Variants in LUC7L2 observed in about 807,000 individuals in gnomAD.
LUC7L2 encodes the protein putative RNA-binding protein Luc7-like 2.
LUC7L2 carries 25 observed loss-of-function variants against 52.8 expected under a neutral mutation model. The observed-to-expected ratio is 0.47, with a 90% CI of 0.34 to 0.66. The LOEUF (loss-of-function observed/expected upper bound fraction) is 0.66. Ranked by LOEUF, LUC7L2 falls within the 30% of genes least tolerant of loss-of-function variation. LUC7L2 has a pLI of 0.01. For synonymous variants in LUC7L2, 144 were observed against 160.9 expected (o/e 0.89, Z 0.80); for missense variants, 328 against 497.8 (o/e 0.66, Z 3.25).
intron 1 of LUC7L2, among the ~76,000 whole-genome samples, chr7:139,361,003 C>T (rs1799853157): frequency 6.6e-6 from 1 of 152,202 alleles, no homozygotes; most frequent in Non-Finnish European, 1.5e-5. Flanking sequence ...ACAAATGTTG[C>T]ATGTCCCTAA....
intron 9 of LUC7L2, among the ~76,000 whole-genome samples, chr7:139,420,138 C>G (rs1212228303): frequency 6.6e-6 from 1 of 152,202 alleles, no homozygotes; most frequent in Non-Finnish European, 1.5e-5. Flanking sequence ...TCTTTTTGCT[C>G]TGTTCAAACA....
intron 2 of LUC7L2, among the ~76,000 whole-genome samples, chr7:139,387,679 C>A (rs1419645663): frequency 6.6e-6 from 1 of 152,118 alleles, no homozygotes; most frequent in Non-Finnish European, 1.5e-5. Flanking sequence ...ATTGTTTATA[C>A]CTGTACTGAA....
rs544956409 is a variant in LUC7L2 at position 139,362,434 on chromosome 7, C to T, written c.61+2112C>T. Among the ~76,000 whole-genome samples, 4 of 152,036 alleles carry T rather than the reference C, an allele frequency of 2.6e-5. No homozygotes were observed. In the South Asian group the frequency reaches 6.2e-4, roughly 24 times the overall value. ...TTCAAGTTACCCAGGGATAGGGGAA[C>T]ATGGAAACGTCCCCTGAATAACACC... On this transcript the variant is annotated intron_variant, in intron 1 of 9. Transcript: ENST00000354926.
In LUC7L2 at chr7:139,398,787, TAGC is replaced by T. The variant is rs1339763800; in HGVS notation, c.255+93_255+95del. 4.1e-6 allele frequency: 5 copies of T among 1,217,694 alleles called. No individual in the cohort carries two copies. The South Asian group carries it at 6.2e-5, about 15-fold the overall frequency. The allele number at this position is 1,217,694 out of a possible 1,614,324, so 75.4% of individuals were successfully genotyped here. Reference sequence around the variant, plus strand: ...AAGATCTCTTAATAGGAAAAACTCTTAGCAGTTTATCCTCTGGTTATATGAAGG... The same window carrying T: ...AAGATCTCTTAATAGGAAAAACTCTTAGTTTATCCTCTGGTTATATGAAGG... On this transcript the variant is annotated intron_variant, in intron 3 of 9. Transcript: ENST00000354926.
rs10593094 is a variant in LUC7L2, at chr7:139,412,825, TAAA to T, written c.809+266_809+268del. ...GGGCAACAGAATAGGACTCTGTCTTTAAAAAAAAAAAAAAAAAAAAAAAGAAAA... is the reference window on the plus strand; with the variant it reads ...GGGCAACAGAATAGGACTCTGTCTTTAAAAAAAAAAAAAAAAAAAAGAAAA... On this transcript the variant is annotated intron_variant, in intron 8 of 9. Transcript: ENST00000354926. 7.1e-3 allele frequency: 874 copies of T among 122,424 alleles called. 14 individuals are homozygous for T. The highest frequency in any genetic ancestry group is 0.022 in the African/African-American group (736 of 33,428). 7.6% of individuals were successfully genotyped at this position (122,424 alleles called of 1,614,324 possible).
rs924782889 is a variant in LUC7L2 at position 139,378,371 on chromosome 7, C to G, written c.156+2215C>G. ...ACCACTTGAGGCCAGGAGTTTGAGA[C>G]TAGCCTGGTCAACATAGTGAAACCC... On this transcript the variant is annotated intron_variant, in intron 2 of 9. Transcript: ENST00000354926. Among the ~76,000 whole-genome samples the G allele has an allele frequency of 2.0e-5, 3 of 151,830 alleles. No homozygotes were observed. In the South Asian group the frequency reaches 6.2e-4, roughly 32 times the overall value.
In LUC7L2 at chr7:139,360,199, C is replaced by T. The variant is rs1459134830; in HGVS notation, c.-63C>T. The T allele has an allele frequency of 1.5e-6, 2 of 1,343,772 alleles. No homozygotes were observed. Among genetic ancestry groups the T allele is most frequent in the Non-Finnish European group, 2.1e-6 (2 of 969,064 alleles). The allele number at this position is 1,343,772 out of a possible 1,614,324, so 83.2% of individuals were successfully genotyped here. ...CCTTCCCCCATCCCTTCCCCTTATCCCCCAGCCCAAAAGGGCCCGGTCTGC... is the reference window on the plus strand; with the variant it reads ...CCTTCCCCCATCCCTTCCCCTTATCTCCCAGCCCAAAAGGGCCCGGTCTGC... On this transcript the variant is annotated 5_prime_UTR_variant, in exon 1 of 10. Transcript: ENST00000354926.
chr7:139,416,775 C>T (rs1203499013), intron 8 of LUC7L2: 1 of 152,002 alleles, frequency 6.6e-6, no homozygotes, highest in African/African-American at 2.4e-5. Context: ...GGTTATCTCA[C>T]CTTTCTAATT....
chr7:139,350,347 T>G (rs1018000849), intron 1 of LUC7L2, among the ~76,000 whole-genome samples: 9 of 152,080 alleles, frequency 5.9e-5, no homozygotes, highest in Non-Finnish European at 8.8e-5. Flanking sequence ...GGTCTCCATC[T>G]CCTGACCTCA....
At chr7:139,401,002 T>G (rs1387101386) in intron 3 of LUC7L2, among the ~76,000 whole-genome samples, 2 of 152,222 alleles carry the variant, frequency 1.3e-5, no homozygotes, top group Non-Finnish European at 2.9e-5. Context: ...CTTGAATTAG[T>G]TATATTTCTG....
chr7:139,378,386 TA>T lies in LUC7L2; in HGVS notation c.156+2231del, dbSNP rs548408235. ...GAGTTTGAGACTAGCCTGGTCAACATAGTGAAACCCCATCTCTACAAAAAGA... is the reference window on the plus strand; with the variant it reads ...GAGTTTGAGACTAGCCTGGTCAACATGTGAAACCCCATCTCTACAAAAAGA... On this transcript the variant is annotated intron_variant, in intron 2 of 9. Transcript: ENST00000354926. Among the ~76,000 whole-genome samples, 5 of 152,058 alleles carry T rather than the reference TA, an allele frequency of 3.3e-5. No homozygotes were observed. The South Asian group carries it at 1.0e-3, about 32-fold the overall frequency.
chr7:139,393,220 T>G (rs527851034), intron 2 of LUC7L2, among the ~76,000 whole-genome samples: 2 of 151,944 alleles, frequency 1.3e-5, no homozygotes, highest in East Asian at 4.0e-4. Flanking sequence ...TGAGCTGAGA[T>G]TGCACCACTG....
rs1045462629 is a variant in LUC7L2 at position 139,389,879 on chromosome 7, C to T, written c.157-8720C>T. On this transcript the variant is annotated intron_variant, in intron 2 of 9. Transcript: ENST00000354926. ...GCCTTCAGAGTGCTTTTATAAACAT[C>T]TTACTTGATCTGAACAGCAATCCTG... Among the ~76,000 whole-genome samples the T allele has an allele frequency of 3.3e-5, 5 of 152,278 alleles. No homozygotes were observed. The Middle Eastern group carries it at 0.014, about 414-fold the overall frequency.
chr7:139,345,700 C>T (rs1799239890), intron 1 of LUC7L2: 2 of 1,613,756 alleles, frequency 1.2e-6, no homozygotes, highest in Admixed American at 1.7e-5. Flanking sequence ...GGCTGGGAGC[C>T]ATGAACATGG....
chr7:139,400,489 A>G (rs976922468), intron 3 of LUC7L2, among the ~76,000 whole-genome samples: 3 of 152,214 alleles, frequency 2.0e-5, no homozygotes, highest in Non-Finnish European at 4.4e-5. Context: ...CTTGGGGGAC[A>G]GAGCGAGACT....
intron 8 of LUC7L2, among the ~76,000 whole-genome samples, chr7:139,413,904 T>A (rs1318930374): frequency 5.3e-5 from 8 of 152,224 alleles, no homozygotes. Flanking sequence ...TTTATATTAT[T>A]GGTGAATTTC....
At chr7:139,360,593 G>T (rs1799825246) in intron 1 of LUC7L2, among the ~76,000 whole-genome samples, 1 of 152,146 alleles carries the variant, frequency 6.6e-6, no homozygotes, top group Non-Finnish European at 1.5e-5. Context: ...TGTTGACTTG[G>T]CTGAGACGGG....
chr7:139,401,651 C>G (rs1158880159), intron 3 of LUC7L2, among the ~76,000 whole-genome samples: 1 of 151,874 alleles, frequency 6.6e-6, no homozygotes, highest in Non-Finnish European at 1.5e-5. Context: ...CGAGGTTTCA[C>G]CATGTTGGCC....
chr7:139,378,354 A>G (rs1203593519), intron 2 of LUC7L2, among the ~76,000 whole-genome samples: 2 of 152,072 alleles, frequency 1.3e-5, no homozygotes, highest in African/African-American at 2.4e-5. Context: ...AAACCACTTG[A>G]GGCCAGGAGT....
Sources: allele counts gnomAD v4.1 joint callset (sites outside exome capture counted in the v4.1 genomes callset), GRCh38; gene constraint gnomAD v4.1.1; transcripts MANE v1.5; gene names NCBI Gene and HGNC (gene_info 2026-07-23, HGNC 2026-07-21).